The following WDR75 variants were observed in gnomAD, a reference collection of about 807,000 sequenced individuals.
The protein encoded by WDR75 is WD repeat domain 75.
A neutral mutation model predicts 106.1 loss-of-function variants in WDR75; 52 were observed. The ratio of observed to expected loss-of-function variants is 0.49; its 90% CI spans 0.39 to 0.62. The LOEUF is 0.62. WDR75 is among the 20% of genes least tolerant of loss of function. The probability of loss-of-function intolerance (pLI) is 0.00; values close to 1 mark genes in which losing one functional copy is unlikely to be tolerated. For missense variants in WDR75, 905 were observed against 970.3 expected, an observed-to-expected ratio of 0.93 and a Z score of 0.89; for synonymous variants, 333 against 335.5, an observed-to-expected ratio of 0.99 and a Z score of 0.08.
chr2:189,445,033 G>A (rs1462506132), intron 1 of WDR75, among the ~76,000 whole-genome samples: 1 of 152,086 alleles, frequency 6.6e-6, no homozygotes, highest in Non-Finnish European at 1.5e-5. Flanking sequence ...GTTGTGGTGG[G>A]TGCATTACAC....
At chr2:189,466,019 A>G (rs1356446583) in intron 12 of WDR75, among the ~76,000 whole-genome samples, 5 of 152,086 alleles carry the variant, frequency 3.3e-5, no homozygotes, top group Admixed American at 2.6e-4. Flanking sequence ...TTTCCTGTCT[A>G]TTTTTCCTTG....
At chr2:189,463,087 T>G (rs975665197) in intron 9 of WDR75, among the ~76,000 whole-genome samples, 3 of 152,210 alleles carry the variant, frequency 2.0e-5, no homozygotes, top group Non-Finnish European at 4.4e-5. Flanking sequence ...CTCCAAAACT[T>G]TGTTCATCCA....
intron 15 of WDR75, 98 bp from the exon 16 acceptor site, chr2:189,469,246 G>T: frequency 1.1e-6 from 1 of 883,446 alleles, no homozygotes. Flanking sequence ...TGTGTTAGTT[G>T]GAAGCATAAG....
chr2:189,460,178 A>G lies in WDR75; in HGVS notation c.778+754A>G, dbSNP rs372319453. 5.3e-5 allele frequency among the ~76,000 whole-genome samples: 8 copies of G among 152,314 alleles called. No individual in the cohort carries two copies. In the East Asian group the frequency reaches 1.2e-3, roughly 22 times the overall value. On this transcript the variant is annotated intron_variant, in intron 8 of 20. Coordinates refer to ENST00000314761, the MANE Select transcript of WDR75 (RefSeq NM_032168.3). ...TGACTGGTTCTTTAAGAAAGTTACT[A>G]CATACTAGAGAAGATTGTGTGCCTA...
intron 6 of WDR75, among the ~76,000 whole-genome samples, chr2:189,458,164 C>T (rs1686779386): frequency 2.6e-5 from 4 of 152,092 alleles, no homozygotes; most frequent in African/African-American, 7.2e-5. Flanking sequence ...CTCAGGTGAT[C>T]CACCCGCCTC....
chr2:189,449,555 A>G lies in WDR75; in HGVS notation c.216+1047A>G, dbSNP rs940189579. 13 of 1,058,384 alleles carry G rather than the reference A, an allele frequency of 1.2e-5. No homozygotes were observed. The African/African-American group carries it at 2.0e-4, about 16-fold the overall frequency. 65.6% of individuals were successfully genotyped at this position (1,058,384 alleles called of 1,614,324 possible). ...TTTATAGCCAAAAAAACGTATACAC[A>G]ATTCATAAAAGCTTTGTTTCGGATG... is the stretch of plus-strand genomic sequence containing the variant. On this transcript the variant is annotated intron_variant, in intron 2 of 20. Transcript: ENST00000314761.
intron 2 of WDR75, chr2:189,450,502 T>C: frequency 2.2e-6 from 2 of 896,732 alleles, no homozygotes; most frequent in Non-Finnish European, 2.7e-6. Context: ...GGCTAATTTT[T>C]GTAGGGGTTT....
chr2:189,454,186 G>A (rs1306480511), intron 4 of WDR75, among the ~76,000 whole-genome samples: 1 of 152,204 alleles, frequency 6.6e-6, no homozygotes, highest in East Asian at 1.9e-4. Flanking sequence ...CTGTGTTGGA[G>A]AAGGGAGGCC....
rs1686547825 is a variant in WDR75, at chr2:189,448,509, G to C, written c.216+1G>C. On this transcript the variant is annotated splice_donor_variant, in intron 2 of 20. Transcript: ENST00000314761. LOFTEE classifies it high-confidence loss of function. ...GCTTAACCCCAACAACCATCTACAG[G>C]TGTCAAACAGTTTATAGCTGAATAC... 6.2e-7 allele frequency: 1 copy of C among 1,613,580 alleles called. No homozygotes were observed. Among genetic ancestry groups the C allele is most frequent in the Non-Finnish European group, 8.5e-7 (1 of 1,179,732 alleles).
At chr2:189,455,650 T>C (rs1474041174) in intron 5 of WDR75, 3 of 500,992 alleles carry the variant, frequency 6.0e-6, no homozygotes, top group Admixed American at 7.5e-5. Flanking sequence ...TGTTCTGTCC[T>C]ATTGCCTTTG....
intron 5 of WDR75, chr2:189,455,704 A>G (rs112296532): frequency 0.053 from 13,703 of 256,790 alleles, 589 homozygotes; most frequent in African/African-American, 0.14. Context: ...ATGGCCTCCC[A>G]TATGTTAATT....
intron 2 of WDR75, chr2:189,449,717 T>G: frequency 2.0e-6 from 2 of 988,366 alleles, no homozygotes; most frequent in Middle Eastern, 5.2e-4. Flanking sequence ...TTTGACTTGT[T>G]ACATTTTACT....
Position 189,455,411 on chromosome 2 carries a change from C to T in WDR75, c.465C>T (p.Asn155=). The T allele has an allele frequency of 6.2e-7, 1 of 1,613,896 alleles. No individual in the cohort carries two copies. The part of the protein sequence containing the change: ...KELSFVLDYI[N]QSPKCIAFGN... Reference sequence around the variant, plus strand: ...TGTCCTTTGTTTTGGATTACATAAACCAGTCACCCAAGTGCATTGCCTTTG... The same window carrying T: ...TGTCCTTTGTTTTGGATTACATAAATCAGTCACCCAAGTGCATTGCCTTTG... Residue 155 remains asparagine, a synonymous_variant, in exon 5 of 21, where the codon AAC becomes AAT. Transcript: ENST00000314761.
Position 189,470,141 on chromosome 2 carries a change from G to T in WDR75, c.1885G>T (p.Val629Phe). 1.2e-6 allele frequency: 2 copies of T among 1,613,618 alleles called. No homozygotes were observed. Among genetic ancestry groups the T allele is most frequent in the Non-Finnish European group, 1.7e-6 (2 of 1,179,648 alleles). ...TCAAAAGGGTATCTCCAGAGAGAAAGTCCAGTGGGGAGTGTTTGTTCCACG... is the reference window on the plus strand; with the variant it reads ...TCAAAAGGGTATCTCCAGAGAGAAATTCCAGTGGGGAGTGTTTGTTCCACG... ...YIQKGISREK[V>F]QWGVFVPRDV... The change falls in exon 17 of 21, where the codon GTC becomes TTC. Residue 629 changes from valine to phenylalanine, a missense_variant. Transcript: ENST00000314761.
At chr2:189,456,086 A>G (rs1231817909) in intron 5 of WDR75, among the ~76,000 whole-genome samples, 3 of 152,188 alleles carry the variant, frequency 2.0e-5, no homozygotes, top group Non-Finnish European at 2.9e-5. Flanking sequence ...TAAGTTTTAT[A>G]GCATTATTTT....
chr2:189,457,431 ATAATTTTATTTCTTCC>A (rs1273859078), intron 6 of WDR75, 50 bp downstream of exon 6: 4 of 1,230,542 alleles, frequency 3.3e-6, no homozygotes, highest in Non-Finnish European at 4.7e-6. Context: ...AGAGTTCTTT[ATAATTTTATTTCTTCC>A]TAATACCTAT....
chr2:189,448,839 GTAGTTT>G, intron 2 of WDR75: 1 of 480,494 alleles, frequency 2.1e-6, no homozygotes, highest in Non-Finnish European at 4.3e-6. Context: ...AAAGAGGTAT[GTAGTTT>G]TTGGTGTTTC....
chr2:189,448,779 T>C (rs1430261057), intron 2 of WDR75: 1 of 547,898 alleles, frequency 1.8e-6, no homozygotes, highest in Non-Finnish European at 3.6e-6. Flanking sequence ...TTAAATGTAT[T>C]TGTTGATTGT....
At chr2:189,447,477 G>T (rs1489566404) in intron 1 of WDR75, among the ~76,000 whole-genome samples, 1 of 152,202 alleles carries the variant, frequency 6.6e-6, no homozygotes, top group Non-Finnish European at 1.5e-5. Context: ...TTTGTAAGCT[G>T]GTGTTGCCAG....
Sources: gnomAD v4.1 joint callset for allele counts (sites outside exome capture counted in the v4.1 genomes callset) on GRCh38, gnomAD v4.1.1 for gene constraint, MANE v1.5 for transcripts, NCBI Gene and HGNC (gene_info 2026-07-23, HGNC 2026-07-21) for gene names.